The following FBXO40 variants were observed in gnomAD, a reference collection of about 807,000 sequenced individuals.
The protein encoded by FBXO40 is F-box only protein 40.
A neutral mutation model predicts 49.9 loss-of-function variants in FBXO40; 50 were observed. That is an observed-to-expected ratio of 1.00 (90% CI 0.80 to 1.27). The LOEUF (loss-of-function observed/expected upper bound fraction) is 1.27, where lower values mean the gene tolerates loss of function less well. Ranked by LOEUF, FBXO40 falls within the 50% of genes most tolerant of loss-of-function variation. The probability of loss-of-function intolerance (pLI) is 0.00; values close to 1 mark genes in which losing one functional copy is unlikely to be tolerated. For synonymous variants in FBXO40, 340 were observed against 320.2 expected, an observed-to-expected ratio of 1.06 and a Z score of -0.66; for missense variants, 895 against 870.1, an observed-to-expected ratio of 1.03 and a Z score of -0.36.
At chr3:121,605,921 AG>A (rs1156812472) in intron 1 of FBXO40, among the ~76,000 whole-genome samples, 1 of 152,252 alleles carries the variant, frequency 6.6e-6, no homozygotes, top group East Asian at 1.9e-4. Context: ...ATCCAGCAAG[AG>A]GACATCGGCA....
chr3:121,610,700 C>A (rs111524698), intron 1 of FBXO40, among the ~76,000 whole-genome samples: 27 of 152,192 alleles, frequency 1.8e-4, no homozygotes, highest in South Asian at 4.2e-4. Context: ...GGTGCAGTGG[C>A]AAGATCTTGG....
At chr3:121,604,303 TA>T (rs2048919603) in intron 1 of FBXO40, among the ~76,000 whole-genome samples, 1 of 152,172 alleles carries the variant, frequency 6.6e-6, no homozygotes, top group East Asian at 1.9e-4. Context: ...GTTGATATCC[TA>T]AACATAGAAA....
At chr3:121,604,607 C>A (rs1381880496) in intron 1 of FBXO40, among the ~76,000 whole-genome samples, 1 of 152,024 alleles carries the variant, frequency 6.6e-6, no homozygotes, top group Non-Finnish European at 1.5e-5. Flanking sequence ...TCTGGAGGGC[C>A]AAAGAAATAT....
At position 121,629,934 on chromosome 3, in the gene FBXO40, G is replaced by C. The variant is rs1186318089; in HGVS notation, c.*3024G>C. 6.6e-6 allele frequency: 1 copy of C among 152,278 alleles called. No homozygotes were observed. The highest frequency in any genetic ancestry group is 2.4e-5 in the African/African-American group (1 of 41,448). The allele number at this position is 152,278 out of a possible 1,614,324, so 9.4% of individuals were successfully genotyped here. On this transcript the variant is annotated 3_prime_UTR_variant, in exon 4 of 4. Coordinates refer to ENST00000338040, the MANE Select transcript of FBXO40 (RefSeq NM_016298.4). ...CAAAGACGGACTGTGTACACAGGGAGGGAGGATGTCTATGGGCAGAGCCCT... is the reference window on the plus strand; with the variant it reads ...CAAAGACGGACTGTGTACACAGGGACGGAGGATGTCTATGGGCAGAGCCCT...
chr3:121,600,656 G>T (rs80187623), intron 1 of FBXO40, among the ~76,000 whole-genome samples: 6,474 of 152,204 alleles, frequency 0.043, 242 homozygotes, highest in African/African-American at 0.095. Flanking sequence ...GGCCTTTGAG[G>T]GCCAAGTGTG....
At chr3:121,623,442 G>A in intron 3 of FBXO40, 99 bp downstream of exon 3, 1 of 998,736 alleles carries the variant, frequency 1.0e-6, no homozygotes, top group Non-Finnish European at 1.5e-6. Flanking sequence ...AAAGTGCAGT[G>A]GTGCAATCAC....
intron 1 of FBXO40, among the ~76,000 whole-genome samples, chr3:121,610,055 C>T (rs1342236081): frequency 6.6e-6 from 1 of 152,228 alleles, no homozygotes; most frequent in East Asian, 1.9e-4. Flanking sequence ...TTCTTGGGAA[C>T]ACAGGGCATT....
chr3:121,609,395 A>G (rs962234497), intron 1 of FBXO40, among the ~76,000 whole-genome samples: 1 of 150,802 alleles, frequency 6.6e-6, no homozygotes, highest in African/African-American at 2.4e-5. Context: ...TGAGCAAATC[A>G]TCTACATACT....
rs567638416 is a variant in FBXO40, at chr3:121,624,221, C to T, written c.1914+878C>T. ...GTCAGGCTGGTCTCGAACTCCCAAC[C>T]TCAGGTGATCCACCCGCCTCAGCCT... On this transcript the variant is annotated intron_variant, in intron 3 of 3. Coordinates refer to ENST00000338040, the MANE Select transcript of FBXO40 (RefSeq NM_016298.4). Among the ~76,000 whole-genome samples, 614 of 151,978 alleles carry T rather than the reference C, an allele frequency of 4.0e-3. 2 individuals are homozygous for T. Among genetic ancestry groups the T allele is most frequent in the Non-Finnish European group, 6.9e-3 (468 of 67,978 alleles).
intron 1 of FBXO40, among the ~76,000 whole-genome samples, chr3:121,612,743 C>T (rs573575303): frequency 1.3e-5 from 2 of 152,130 alleles, no homozygotes; most frequent in African/African-American, 4.8e-5. Flanking sequence ...TTCTGGTCCT[C>T]TCAAAGGATA....
chr3:121,620,691 T>C (rs2049025570), intron 2 of FBXO40, 113 bp downstream of exon 2: 1 of 1,338,036 alleles, frequency 7.5e-7, no homozygotes, highest in Non-Finnish European at 1.1e-6. Flanking sequence ...ATGATATTTA[T>C]CAACTTTTTT....
At chr3:121,616,031 A>G (rs2048995916) in intron 1 of FBXO40, among the ~76,000 whole-genome samples, 1 of 152,162 alleles carries the variant, frequency 6.6e-6, no homozygotes, top group African/African-American at 2.4e-5. Flanking sequence ...AGACTTCCAC[A>G]TATGAATTTG....
intron 1 of FBXO40, among the ~76,000 whole-genome samples, chr3:121,607,865 T>C (rs2048940281): frequency 6.6e-6 from 1 of 152,116 alleles, no homozygotes; most frequent in Non-Finnish European, 1.5e-5. Context: ...CTTGAAAAAT[T>C]TTCCCATAAA....
In FBXO40 at chr3:121,622,311, T is replaced by C. The variant is rs747285567; in HGVS notation, c.882T>C (p.Val294=). 1 of 1,614,192 alleles carries C rather than the reference T, an allele frequency of 6.2e-7. No individual in the cohort carries two copies. The highest frequency in any genetic ancestry group is 1.7e-5 in the Admixed American group (1 of 60,024). Residue 294 remains valine (V), a synonymous_variant, in exon 3 of 4, where the codon GTT becomes GTC. Coordinates refer to ENST00000338040, the MANE Select transcript of FBXO40 (RefSeq NM_016298.4). ...TTGLAPWQDG[V]LERLKTAVDA... ...GGCTTGCCCCTTGGCAGGATGGTGT[T>C]CTGGAAAGACTGAAAACAGCTGTGG...
intron 1 of FBXO40, among the ~76,000 whole-genome samples, chr3:121,609,783 T>C (rs952416461): frequency 2.0e-5 from 3 of 152,206 alleles, no homozygotes; most frequent in African/African-American, 7.2e-5. Flanking sequence ...GAAGGACAGC[T>C]TAAAGGATAA....
At chr3:121,613,071 G>GA (rs34114730) in intron 1 of FBXO40, among the ~76,000 whole-genome samples, 57,989 of 129,166 alleles carry the variant, frequency 0.45, 12,904 homozygotes, top group Admixed American at 0.56. Flanking sequence ...CTCCGTCTCA[G>GA]AAAAAAAAAA....
rs1437155982 is a variant in FBXO40, at chr3:121,621,387, C to T, written c.4-46C>T. On this transcript the variant is annotated intron_variant, in intron 2 of 3. Transcript: ENST00000338040. Reference sequence around the variant, plus strand: ...AGTCATAGACATGCATAGAGCTTCTCCTCAGTATTCATTTGTTTTCTTCCC... The same window carrying T: ...AGTCATAGACATGCATAGAGCTTCTTCTCAGTATTCATTTGTTTTCTTCCC... 6 of 1,524,810 alleles carry T rather than the reference C, an allele frequency of 3.9e-6. No homozygotes were observed. In the African/African-American group the frequency reaches 6.8e-5, roughly 17 times the overall value. The allele number at this position is 1,524,810 out of a possible 1,614,324, so 94.5% of individuals were successfully genotyped here. A position where few individuals can be genotyped will look rare whatever the true frequency, so the allele number is the denominator to read the frequency against.
intron 1 of FBXO40, among the ~76,000 whole-genome samples, chr3:121,615,950 G>C (rs1042426148): frequency 5.9e-5 from 9 of 152,130 alleles, no homozygotes; most frequent in Non-Finnish European, 1.2e-4. Context: ...CAGAGGCCTG[G>C]TAAGCAGAGC....
intron 1 of FBXO40, among the ~76,000 whole-genome samples, chr3:121,614,532 G>A (rs1180519837): frequency 2.6e-5 from 4 of 152,120 alleles, no homozygotes; most frequent in Non-Finnish European, 5.9e-5. Flanking sequence ...GCAGCAAGCC[G>A]ACAGGAGACA....
Sources: allele counts gnomAD v4.1 joint callset (sites outside exome capture counted in the v4.1 genomes callset), GRCh38; gene constraint gnomAD v4.1.1; transcripts MANE v1.5; gene names NCBI Gene and HGNC (gene_info 2026-07-23, HGNC 2026-07-21).